PTGES: variants seen among roughly 807,000 people sequenced by gnomAD.
PTGES encodes the protein MGST1-like 1.
In PTGES, 3 loss-of-function variants were observed where a neutral mutation model predicts 11.8. The ratio of observed to expected loss-of-function variants is 0.25; its 90% CI spans 0.12 to 0.66. The LOEUF is 0.66. PTGES is among the 30% of genes least tolerant of loss of function. The probability of loss-of-function intolerance (pLI) is 0.82; values close to 1 mark genes in which losing one functional copy is unlikely to be tolerated. For missense variants in PTGES, 180 were observed against 213.0 expected, an observed-to-expected ratio of 0.85 and a Z score of 0.96; for synonymous variants, 94 against 90.4, an observed-to-expected ratio of 1.04 and a Z score of -0.22.
At position 129,747,408 on chromosome 9, in the gene PTGES, T is replaced by C. The variant is rs139357897; in HGVS notation, c.209+1247A>G. 4.6e-5 allele frequency among the ~76,000 whole-genome samples: 7 copies of C among 152,352 alleles called. No individual in the cohort carries two copies. In the East Asian group the frequency reaches 1.3e-3, roughly 29 times the overall value. ...CCTTTCTGTCTCTGTGTTTTTTCAG[T>C]ATTACCCAAATCGTCTGTAATGAGT... On this transcript the variant is annotated intron_variant, in intron 2 of 2. Transcript: ENST00000340607.
At chr9:129,746,954 C>T (rs952237371) in intron 2 of PTGES, among the ~76,000 whole-genome samples, 1 of 152,208 alleles carries the variant, frequency 6.6e-6, no homozygotes, top group African/African-American at 2.4e-5. Context: ...ACTCTATCCC[C>T]CAAGCTGGAG....
chr9:129,751,520 A>C (rs4836669), intron 1 of PTGES, among the ~76,000 whole-genome samples: 14,577 of 151,846 alleles, frequency 0.096, 769 homozygotes, highest in East Asian at 0.19. Context: ...CTCTACTAAA[A>C]ATACAAAAAT....
chr9:129,744,074 C>G (rs2130951532), intron 2 of PTGES, among the ~76,000 whole-genome samples: 1 of 152,280 alleles, frequency 6.6e-6, no homozygotes, highest in Non-Finnish European at 1.5e-5. Flanking sequence ...GTCTCAAACT[C>G]CTAAGCTCAG....
intron 2 of PTGES, among the ~76,000 whole-genome samples, chr9:129,748,024 A>G (rs1278356144): frequency 6.7e-6 from 1 of 148,800 alleles, no homozygotes; most frequent in Non-Finnish European, 1.5e-5. Context: ...AAAAAAAAAA[A>G]AAAAAAAAAA....
In PTGES at chr9:129,739,541, C is replaced by G; in HGVS notation, c.*70G>C. 1 of 1,497,784 alleles carries G rather than the reference C, an allele frequency of 6.7e-7. No individual in the cohort carries two copies. The highest frequency in any genetic ancestry group is 1.3e-5 in the South Asian group (1 of 75,864). The allele number at this position is 1,497,784 out of a possible 1,614,324, so 92.8% of individuals were successfully genotyped here. A position where few individuals can be genotyped will look rare whatever the true frequency, so the allele number is the denominator to read the frequency against. On this transcript the variant is annotated 3_prime_UTR_variant, in exon 3 of 3. Transcript: ENST00000340607. The surrounding 1 kb of genome is among the most constrained non-coding windows in gnomAD (Gnocchi z 5.7). The stretch of plus-strand genomic sequence containing the variant: ...GCCCACCACAATCTGGAAGGAACAT[C>G]AAGTCCCCAGGTATAGCCACGGCGG...
chr9:129,752,780 A>C, intron 1 of PTGES, 107 bp downstream of exon 1: 2 of 1,561,706 alleles, frequency 1.3e-6, no homozygotes, highest in South Asian at 2.3e-5. Flanking sequence ...CTCACCTCCC[A>C]GCCCTGCACA....
chr9:129,744,005 C>T (rs970656319), intron 2 of PTGES, among the ~76,000 whole-genome samples: 5 of 152,132 alleles, frequency 3.3e-5, no homozygotes, highest in South Asian at 2.1e-4. Context: ...AGCCCCACCA[C>T]GCCTGGTTAA....
intron 2 of PTGES, 68 bp downstream of exon 2, chr9:129,748,587 T>C: frequency 2.3e-6 from 3 of 1,322,988 alleles, no homozygotes; most frequent in South Asian, 3.0e-5. Flanking sequence ...GTCCCCTGTG[T>C]GCAGAAGAAG....
At chr9:129,741,025 T>C (rs1832989689) in intron 2 of PTGES, among the ~76,000 whole-genome samples, 1 of 152,182 alleles carries the variant, frequency 6.6e-6, no homozygotes, top group Non-Finnish European at 1.5e-5. Flanking sequence ...GCAAGACGAT[T>C]CTTGGGCCAG....
At chr9:129,744,394 A>G (rs1183731903) in intron 2 of PTGES, among the ~76,000 whole-genome samples, 1 of 152,026 alleles carries the variant, frequency 6.6e-6, no homozygotes, top group East Asian at 1.9e-4. Context: ...ACATAGCAAG[A>G]TCCCGTCTCT....
In PTGES at chr9:129,739,421, T is replaced by TACAC. The variant is rs561984491; in HGVS notation, c.*186_*189dup. ...CAGGAATCCAAGGGGCTAAGAAACA[T>TACAC]ACACACACACATACACACACACGGG... is the stretch of plus-strand genomic sequence containing the variant. On this transcript the variant is annotated 3_prime_UTR_variant, in exon 3 of 3. Coordinates refer to ENST00000340607, the MANE Select transcript of PTGES (RefSeq NM_004878.5). The surrounding 1 kb of genome is among the most constrained non-coding windows in gnomAD (Gnocchi z 5.7). 38 of 632,512 alleles carry TACAC rather than the reference T, an allele frequency of 6.0e-5. No individual in the cohort carries two copies. The highest frequency in any genetic ancestry group is 6.9e-5 in the Admixed American group (2 of 29,112). 39.2% of individuals were successfully genotyped at this position (632,512 alleles called of 1,614,324 possible).
chr9:129,747,012 A>C (rs917908738), intron 2 of PTGES, among the ~76,000 whole-genome samples: 2 of 152,174 alleles, frequency 1.3e-5, no homozygotes, highest in South Asian at 2.1e-4. Context: ...TCCTGGGTTC[A>C]TGCCATTCTC....
At position 129,738,399 on chromosome 9, in the gene PTGES, G is replaced by A. The variant is rs1479207861; in HGVS notation, c.*1212C>T. The A allele has an allele frequency of 7.1e-6, 1 of 141,326 alleles. No homozygotes were observed. Among genetic ancestry groups the A allele is most frequent in the Non-Finnish European group, 1.5e-5 (1 of 66,850 alleles). 8.8% of individuals were successfully genotyped at this position (141,326 alleles called of 1,614,324 possible). A position where few individuals can be genotyped will look rare whatever the true frequency, so the allele number is the denominator to read the frequency against. On this transcript the variant is annotated 3_prime_UTR_variant, in exon 3 of 3. Coordinates refer to ENST00000340607, the MANE Select transcript of PTGES (RefSeq NM_004878.5). This position sits in a 1 kb window ranked among gnomAD's most constrained non-coding sequence, Gnocchi z 4.2. ...AAAAATCACACATCTCAGGTCACGG[G>A]TCTAGGAGAAAACACACACACACAC... is the stretch of plus-strand genomic sequence containing the variant.
At chr9:129,752,284 C>A (rs937480220) in intron 1 of PTGES, among the ~76,000 whole-genome samples, 4 of 152,228 alleles carry the variant, frequency 2.6e-5, no homozygotes, top group Non-Finnish European at 4.4e-5. Flanking sequence ...TTTGCAGACT[C>A]GCCAACCAGT....
At chr9:129,742,688 A>G (rs998654909) in intron 2 of PTGES, among the ~76,000 whole-genome samples, 3 of 151,944 alleles carry the variant, frequency 2.0e-5, no homozygotes, top group African/African-American at 7.3e-5. Flanking sequence ...CCTGGCTGAT[A>G]TGGTGAAACC....
intron 1 of PTGES, among the ~76,000 whole-genome samples, chr9:129,750,336 CCA>C (rs2130955151): frequency 6.6e-6 from 1 of 152,334 alleles, no homozygotes; most frequent in Non-Finnish European, 1.5e-5. Context: ...CTGCCCTACC[CCA>C]GAGGAGAATG....
rs940698707 is a variant in PTGES at position 129,739,418 on chromosome 9, A to G, written c.*193T>C. 46 of 714,824 alleles carry G rather than the reference A, an allele frequency of 6.4e-5. No individual in the cohort carries two copies. Among genetic ancestry groups the G allele is most frequent in the Non-Finnish European group, 9.7e-5 (44 of 454,292 alleles). 44.3% of individuals were successfully genotyped at this position (714,824 alleles called of 1,614,324 possible). On this transcript the variant is annotated 3_prime_UTR_variant, in exon 3 of 3. Coordinates refer to ENST00000340607, the MANE Select transcript of PTGES (RefSeq NM_004878.5). This position sits in a 1 kb window ranked among gnomAD's most constrained non-coding sequence, Gnocchi z 5.7. The stretch of plus-strand genomic sequence containing the variant: ...GTGCAGGAATCCAAGGGGCTAAGAA[A>G]CATACACACACACATACACACACAC...
intron 1 of PTGES, 42 bp from the exon 2 acceptor site, chr9:129,748,779 G>A (rs200182238): frequency 4.4e-5 from 67 of 1,506,022 alleles, no homozygotes; most frequent in Non-Finnish European, 5.5e-5. Context: ...TGAGACAAAC[G>A]GCCCAGTCAC....
intron 1 of PTGES, among the ~76,000 whole-genome samples, chr9:129,752,644 C>A (rs991451879): frequency 6.6e-6 from 1 of 152,258 alleles, no homozygotes; most frequent in Non-Finnish European, 1.5e-5. Flanking sequence ...TGGCTCTCTC[C>A]ATGCCAAGAA....
Sources: allele counts gnomAD v4.1 joint callset (sites outside exome capture counted in the v4.1 genomes callset), GRCh38; gene constraint gnomAD v4.1.1; non-coding constraint Gnocchi (gnomAD v3.1); transcripts MANE v1.5; gene names NCBI Gene and HGNC (gene_info 2026-07-23, HGNC 2026-07-21).